The following DYSF variants were observed in gnomAD, a reference collection of about 807,000 sequenced individuals.
DYSF encodes dystrophy-associated fer-1-like 1.
A neutral mutation model predicts 274.9 loss-of-function variants in DYSF; 212 were observed. The observed-to-expected ratio is 0.77, with a 90% CI of 0.69 to 0.86. DYSF has a LOEUF of 0.86. DYSF is among the 40% of genes least tolerant of loss of function. The pLI is 0.00. For synonymous variants in DYSF, 1,091 were observed against 1,078.7 expected (o/e 1.01, Z -0.22); for missense variants, 2,666 against 2,783.2 (o/e 0.96, Z 0.95).
At chr2:71,578,173 T>C (rs959395056) in intron 30 of DYSF, among the ~76,000 whole-genome samples, 11 of 152,108 alleles carry the variant, frequency 7.2e-5, no homozygotes, top group African/African-American at 2.7e-4. Flanking sequence ...GCCCCGAGAA[T>C]CTCTGTGTCT....
At position 71,570,037 on chromosome 2, in the gene DYSF, C is replaced by T. The variant is rs2152814235; in HGVS notation, c.2979+103C>T. 3 of 1,183,410 alleles carry T rather than the reference C, an allele frequency of 2.5e-6. No individual in the cohort carries two copies. In the South Asian group the frequency reaches 3.8e-5, roughly 15 times the overall value. The allele number at this position is 1,183,410 out of a possible 1,614,324, so 73.3% of individuals were successfully genotyped here. A position where few individuals can be genotyped will look rare whatever the true frequency, so the allele number is the denominator to read the frequency against. On this transcript the variant is annotated intron_variant, in intron 27 of 55. Transcript: ENST00000410020. ...GCATGTTTCTCTTTGCCCCCTCTTA[C>T]CTCCGGAGACTTCATGCTTTGATTT... is the stretch of plus-strand genomic sequence containing the variant.
At position 71,664,331 on chromosome 2, in the gene DYSF, T is replaced by C; in HGVS notation, c.5067T>C (p.Tyr1689=). ...EKDLKITLYD[Y]DLLSKDEKIG... Reference sequence around the variant, plus strand: ...ACCTAAAGATCACTCTCTATGACTATGACCTCCTCTCCAAGGACGAAAAGA... The same window carrying C: ...ACCTAAAGATCACTCTCTATGACTACGACCTCCTCTCCAAGGACGAAAAGA... The change falls in exon 46 of 56, where the codon TAT becomes TAC. Residue 1689 remains tyrosine, a synonymous_variant. Transcript: ENST00000410020. 3 of 1,614,184 alleles carry C rather than the reference T, an allele frequency of 1.9e-6. No homozygotes were observed. Among genetic ancestry groups the C allele is most frequent in the Non-Finnish European group, 2.5e-6 (3 of 1,180,020 alleles).
intron 17 of DYSF, among the ~76,000 whole-genome samples, chr2:71,546,191 C>G (rs114364826): frequency 0.016 from 2,498 of 152,352 alleles, 38 homozygotes; most frequent in Admixed American, 0.022. Flanking sequence ...CCCCGACTTG[C>G]CTGCAGCCCC....
intron 42 of DYSF, among the ~76,000 whole-genome samples, chr2:71,654,746 G>T (rs2094735826): frequency 6.6e-6 from 1 of 151,736 alleles, no homozygotes; most frequent in African/African-American, 2.4e-5. Flanking sequence ...TATATTTTTT[G>T]ACCTTGCAAA....
chr2:71,493,869 AAAAAAG>A (rs2084116959), intron 3 of DYSF, among the ~76,000 whole-genome samples: 1 of 150,350 alleles, frequency 6.7e-6, no homozygotes, highest in Non-Finnish European at 1.5e-5. Flanking sequence ...AAAAAAAAAA[AAAAAAG>A]AAAGAAAGAA....
At chr2:71,674,370 T>C in intron 52 of DYSF, 74 bp downstream of exon 52, 13 of 1,447,938 alleles carry the variant, frequency 9.0e-6, no homozygotes, top group East Asian at 2.3e-5. Context: ...TTTATGCCAC[T>C]GTTGGACCCT....
chr2:71,638,127 A>C (rs116251827), intron 41 of DYSF, among the ~76,000 whole-genome samples: 2,744 of 152,246 alleles, frequency 0.018, 39 homozygotes, highest in African/African-American at 0.04. Flanking sequence ...TAAAAAAAAA[A>C]AATTGAACTC....
At position 71,638,494 on chromosome 2, in the gene DYSF, C is replaced by G. The variant is rs914465453; in HGVS notation, c.4528-5471C>G. Among the ~76,000 whole-genome samples, 14 of 152,224 alleles carry G rather than the reference C, an allele frequency of 9.2e-5. No homozygotes were observed. The East Asian group carries it at 2.7e-3, about 29-fold the overall frequency. On this transcript the variant is annotated intron_variant, in intron 41 of 55. Transcript: ENST00000410020. ...TTAAGTAGTGAGCAGTCTCTCCCAA[C>G]CACTCCCAGCCCCTGGCAACCACTA...
At chr2:71,477,373 T>G (rs1282325058) in intron 1 of DYSF, among the ~76,000 whole-genome samples, 1 of 152,106 alleles carries the variant, frequency 6.6e-6, no homozygotes, top group Non-Finnish European at 1.5e-5. Flanking sequence ...TTTAGCATGG[T>G]CATGAGGAAA....
intron 17 of DYSF, among the ~76,000 whole-genome samples, chr2:71,544,937 CAG>C (rs1218562966): frequency 6.6e-6 from 1 of 152,152 alleles, no homozygotes; most frequent in Non-Finnish European, 1.5e-5. Flanking sequence ...GTCTCACCCT[CAG>C]GGAACTTAGA....
intron 30 of DYSF, among the ~76,000 whole-genome samples, chr2:71,584,159 G>A (rs1262494219): frequency 7.2e-6 from 1 of 138,360 alleles, no homozygotes; most frequent in Non-Finnish European, 1.6e-5. Context: ...TGGCCCTGGG[G>A]CTGGGCAAGA....
At chr2:71,542,825 C>T (rs187628109) in intron 17 of DYSF, among the ~76,000 whole-genome samples, 3 of 152,388 alleles carry the variant, frequency 2.0e-5, no homozygotes, top group Non-Finnish European at 1.5e-5. Context: ...CCCACATTTC[C>T]TCCCTTTCTA....
At chr2:71,541,721 C>A (rs1215295864) in intron 17 of DYSF, among the ~76,000 whole-genome samples, 2 of 151,722 alleles carry the variant, frequency 1.3e-5, no homozygotes, top group East Asian at 1.9e-4. Context: ...TTCAGCAGAC[C>A]CTAAGGTTAT....
Position 71,513,324 on chromosome 2 carries a change from C to A in DYSF, c.545C>A (p.Ala182Asp). Residue 182 changes from alanine (A) to aspartate (D), a missense_variant, in exon 6 of 56, where the codon GCC becomes GAC. Transcript: ENST00000410020. ...DTRYSGKKWP[A>D]PTDTGGEEDT... ...AGATACTCTGGAAAGAAGTGGCCGG[C>A]CCCCACGGGTGAGACACGGGCCAGG... 6.4e-7 allele frequency: 1 copy of A among 1,551,604 alleles called. No individual in the cohort carries two copies. Among genetic ancestry groups the A allele is most frequent in the South Asian group, 1.2e-5 (1 of 84,052 alleles).
intron 41 of DYSF, among the ~76,000 whole-genome samples, chr2:71,627,284 T>C (rs2094224105): frequency 6.6e-6 from 1 of 152,024 alleles, no homozygotes; most frequent in Admixed American, 6.5e-5. Flanking sequence ...ACAAGTAATA[T>C]TTTTGTTATT....
intron 52 of DYSF, among the ~76,000 whole-genome samples, chr2:71,675,891 C>T (rs1158015843): frequency 1.1e-4 from 17 of 151,730 alleles, no homozygotes; most frequent in Non-Finnish European, 2.5e-4. Context: ...TACATATATT[C>T]ATATGTATAT....
At chr2:71,508,184 T>G (rs1051725005) in intron 4 of DYSF, among the ~76,000 whole-genome samples, 2 of 152,210 alleles carry the variant, frequency 1.3e-5, no homozygotes, top group African/African-American at 4.8e-5. Flanking sequence ...AGTTGCCAAG[T>G]ATGGTACAAA....
At position 71,481,695 on chromosome 2, in the gene DYSF, T is replaced by TATCC. The variant is rs56102566; in HGVS notation, c.148-153_148-150dup. On this transcript the variant is annotated intron_variant, in intron 2 of 55. Coordinates refer to ENST00000410020, the MANE Select transcript of DYSF (RefSeq NM_001130987.2). ...AATTTCTGGATCTGTGGTCTTCATC[T>TATCC]ATCCATCCATCCATCCATCCATCCA... Among the ~76,000 whole-genome samples, 55,090 of 124,304 alleles carry TATCC rather than the reference T, an allele frequency of 0.44. 11,537 individuals are homozygous for TATCC. The highest frequency in any genetic ancestry group is 0.53 in the Non-Finnish European group (32,008 of 60,028). 81.5% of individuals were successfully genotyped at this position (124,304 alleles called of 152,430 possible).
In DYSF at chr2:71,549,189, G is replaced by A. The variant is rs78933613; in HGVS notation, c.1577-1852G>A. Among the ~76,000 whole-genome samples, 2,495 of 152,224 alleles carry A rather than the reference G, an allele frequency of 0.016. 39 individuals carry two copies. Among genetic ancestry groups the A allele is most frequent in the Admixed American group, 0.022 (335 of 15,304 alleles). ...TGATTTAGTTTATGATAAATTCACAGCTGGGCAGAGGGTGGGGCCTCGGGC... is the reference window on the plus strand; with the variant it reads ...TGATTTAGTTTATGATAAATTCACAACTGGGCAGAGGGTGGGGCCTCGGGC... On this transcript the variant is annotated intron_variant, in intron 17 of 55. Coordinates refer to ENST00000410020, the MANE Select transcript of DYSF (RefSeq NM_001130987.2).
Sources: gnomAD v4.1 joint callset for allele counts (sites outside exome capture counted in the v4.1 genomes callset) on GRCh38, gnomAD v4.1.1 for gene constraint, MANE v1.5 for transcripts, NCBI Gene and HGNC (gene_info 2026-07-23, HGNC 2026-07-21) for gene names.